The following ABHD17B variants were observed in gnomAD, a reference collection of about 807,000 sequenced individuals.
ABHD17B encodes the protein alpha/beta hydrolase domain-containing protein 17B.
In ABHD17B, 9 loss-of-function variants were observed where a neutral mutation model predicts 26.2. The observed-to-expected ratio is 0.34, with a 90% confidence interval of 0.21 to 0.60. ABHD17B has a LOEUF of 0.60. Ranked by LOEUF, ABHD17B falls within the 20% of genes least tolerant of loss-of-function variation. The pLI, the probability that ABHD17B is intolerant of heterozygous loss-of-function variation, is 0.80. For synonymous variants in ABHD17B, 127 were observed against 122.3 expected (o/e 1.04, Z -0.25); for missense variants, 224 against 352.1 (o/e 0.64, Z 2.91).
chr9:71,867,078 C>G, intron 3 of ABHD17B, 72 bp from the exon 4 acceptor site: 1 of 1,492,754 alleles, frequency 6.7e-7, no homozygotes. Flanking sequence ...TGTGCTATAT[C>G]AGACAGATAA....
At position 71,909,052 on chromosome 9, in the gene ABHD17B, G is replaced by C. The variant is rs1049997352; in HGVS notation, c.-4+1582C>G. Among the ~76,000 whole-genome samples the C allele has an allele frequency of 5.3e-5, 8 of 152,072 alleles. 1 individual carries two copies. Among genetic ancestry groups the C allele is most frequent in the African/African-American group, 1.9e-4 (8 of 41,380 alleles). On this transcript the variant is annotated intron_variant, in intron 1 of 3. Transcript: ENST00000333421. ...TTTTTTGGTGATTTTGTTTGTCCCA[G>C]GAAACAGAAAATTCTTTGTCAGCAG...
rs1825927002 is a variant in ABHD17B, at chr9:71,865,350, A to C, written c.*1437T>G. 1 of 983,010 alleles carries C rather than the reference A, an allele frequency of 1.0e-6. No individual in the cohort carries two copies. The highest frequency in any genetic ancestry group is 1.7e-5 in the African/African-American group (1 of 57,186). 60.9% of individuals were successfully genotyped at this position (983,010 alleles called of 1,614,324 possible). The stretch of plus-strand genomic sequence containing the variant: ...TTCCATATTCATTCATTTACAAATT[A>C]GACTACATACCATTAATTTTATTTT... On this transcript the variant is annotated 3_prime_UTR_variant, in exon 4 of 4. Coordinates refer to ENST00000333421, the MANE Select transcript of ABHD17B (RefSeq NM_001025780.3).
Position 71,865,568 on chromosome 9 carries a change from A to T in ABHD17B, c.*1219T>A. 3 of 985,298 alleles carry T rather than the reference A, an allele frequency of 3.0e-6. No individual in the cohort carries two copies. Among genetic ancestry groups the T allele is most frequent in the Non-Finnish European group, 3.6e-6 (3 of 829,864 alleles). 61.0% of individuals were successfully genotyped at this position (985,298 alleles called of 1,614,324 possible). ...ATCCAAAACAATAGGTCCTATTTTT[A>T]AAAATAGCTAAAGTGGGCCAGGCGC... On this transcript the variant is annotated 3_prime_UTR_variant, in exon 4 of 4. Transcript: ENST00000333421.
chr9:71,866,394 A>C lies in ABHD17B; in HGVS notation c.*393T>G, dbSNP rs1371760047. On this transcript the variant is annotated 3_prime_UTR_variant, in exon 4 of 4. Transcript: ENST00000333421. Reference sequence around the variant, plus strand: ...TTGCTTTAGATACATAGCTTTTTTCAAAATATTACAGTTGTATTCCAGGAT... The same window carrying C: ...TTGCTTTAGATACATAGCTTTTTTCCAAATATTACAGTTGTATTCCAGGAT... 6.1e-6 allele frequency: 6 copies of C among 983,466 alleles called. No individual in the cohort carries two copies. The highest frequency in any genetic ancestry group is 5.2e-4 in the Middle Eastern group (1 of 1,932). The allele number at this position is 983,466 out of a possible 1,614,324, so 60.9% of individuals were successfully genotyped here.
intron 1 of ABHD17B, among the ~76,000 whole-genome samples, chr9:71,882,570 A>C (rs1247689021): frequency 6.6e-6 from 1 of 151,780 alleles, no homozygotes; most frequent in Non-Finnish European, 1.5e-5. Context: ...AGGCAGGAGA[A>C]TTGCTTGAAC....
chr9:71,909,955 A>T (rs1367028224), intron 1 of ABHD17B, among the ~76,000 whole-genome samples: 1 of 152,126 alleles, frequency 6.6e-6, no homozygotes, highest in Non-Finnish European at 1.5e-5. Flanking sequence ...CTAATTTGAC[A>T]TAACTTTGTT....
At chr9:71,894,301 T>C (rs1205543426) in intron 1 of ABHD17B, among the ~76,000 whole-genome samples, 18 of 152,120 alleles carry the variant, frequency 1.2e-4, no homozygotes, top group Non-Finnish European at 5.9e-5. Flanking sequence ...CCAATTTGTG[T>C]ATACATATAA....
In ABHD17B at chr9:71,866,655, A is replaced by G. The variant is rs1173876545; in HGVS notation, c.*132T>C. On this transcript the variant is annotated 3_prime_UTR_variant, in exon 4 of 4. Coordinates refer to ENST00000333421, the MANE Select transcript of ABHD17B (RefSeq NM_001025780.3). ...ATTAAAACCTTCATTAAGTCTGTTAACAAATCATTACCTGTACATTTATGA... is the reference window on the plus strand; with the variant it reads ...ATTAAAACCTTCATTAAGTCTGTTAGCAAATCATTACCTGTACATTTATGA... 1 of 1,457,824 alleles carries G rather than the reference A, an allele frequency of 6.9e-7. No homozygotes were observed. The highest frequency in any genetic ancestry group is 1.4e-5 in the African/African-American group (1 of 70,142). 90.3% of individuals were successfully genotyped at this position (1,457,824 alleles called of 1,614,324 possible). A position where few individuals can be genotyped will look rare whatever the true frequency, so the allele number is the denominator to read the frequency against.
chr9:71,871,001 G>C (rs184558414), intron 2 of ABHD17B, among the ~76,000 whole-genome samples: 8 of 152,278 alleles, frequency 5.3e-5, no homozygotes, highest in Admixed American at 2.0e-4. Context: ...TGGGTACCTA[G>C]TATGTTCAAG....
At chr9:71,893,458 C>T (rs1826853177) in intron 1 of ABHD17B, among the ~76,000 whole-genome samples, 1 of 152,162 alleles carries the variant, frequency 6.6e-6, no homozygotes, top group African/African-American at 2.4e-5. Flanking sequence ...ACAGATTTAC[C>T]AGTTTATTAT....
Position 71,875,026 on chromosome 9 carries a change from G to C in ABHD17B, c.55C>G (p.Pro19Ala). The change falls in exon 2 of 4, where the codon CCA becomes GCA. Residue 19 changes from proline to alanine, a missense_variant. By Grantham distance (27) the Pro-to-Ala change is conservative. Transcript: ENST00000333421. ...GCTAATTTTGAAGCAATCTTCCCTGGACAAGGTGGACAGCAGAAGAGGCAA... is the reference window on the plus strand; with the variant it reads ...GCTAATTTTGAAGCAATCTTCCCTGCACAAGGTGGACAGCAGAAGAGGCAA... ...LCCLFCCPPCPGKIASKLAFL... is the reference protein window; with the variant it reads ...LCCLFCCPPCAGKIASKLAFL... 6.2e-7 allele frequency: 1 copy of C among 1,613,798 alleles called. No individual in the cohort carries two copies.
intron 3 of ABHD17B, among the ~76,000 whole-genome samples, chr9:71,869,769 C>A (rs1826057736): frequency 6.6e-6 from 1 of 152,102 alleles, no homozygotes; most frequent in Non-Finnish European, 1.5e-5. Flanking sequence ...TCTTTAGCAT[C>A]CTACACCCAG....
intron 1 of ABHD17B, among the ~76,000 whole-genome samples, chr9:71,895,597 TTG>T (rs1826930174): frequency 6.6e-6 from 1 of 152,236 alleles, no homozygotes; most frequent in African/African-American, 2.4e-5. Flanking sequence ...AGTCTGCAAT[TTG>T]AAGAATGCAT....
chr9:71,862,643 C>A (rs1171952048), downstream of ABHD17B: 5 of 920,688 alleles, frequency 5.4e-6, no homozygotes, highest in African/African-American at 1.7e-5. Flanking sequence ...ATCATCTCTG[C>A]AGTTTTCATA....
chr9:71,893,201 C>T (rs1337922314), intron 1 of ABHD17B, among the ~76,000 whole-genome samples: 1 of 152,176 alleles, frequency 6.6e-6, no homozygotes, highest in East Asian at 1.9e-4. Context: ...GAGATTTCCC[C>T]CAATGCAAGC....
chr9:71,873,225 CTAA>C (rs1348982038), intron 2 of ABHD17B, among the ~76,000 whole-genome samples: 1 of 151,522 alleles, frequency 6.6e-6, no homozygotes, highest in Non-Finnish European at 1.5e-5. Context: ...ACTAACCTGA[CTAA>C]TAATACACTG....
Position 71,866,377 on chromosome 9 carries a change from G to A in ABHD17B, c.*410C>T. Reference sequence around the variant, plus strand: ...CATTATGAGTACTTAAATTGCTTTAGATACATAGCTTTTTTCAAAATATTA... The same window carrying A: ...CATTATGAGTACTTAAATTGCTTTAAATACATAGCTTTTTTCAAAATATTA... On this transcript the variant is annotated 3_prime_UTR_variant, in exon 4 of 4. Transcript: ENST00000333421. The A allele has an allele frequency of 1.0e-6, 1 of 986,178 alleles. No individual in the cohort carries two copies. The highest frequency in any genetic ancestry group is 5.2e-4 in the Middle Eastern group (1 of 1,920). The allele number at this position is 986,178 out of a possible 1,614,324, so 61.1% of individuals were successfully genotyped here.
chr9:71,878,715 G>A (rs1459070778), intron 1 of ABHD17B, among the ~76,000 whole-genome samples: 2 of 151,950 alleles, frequency 1.3e-5, no homozygotes, highest in African/African-American at 4.8e-5. Context: ...AGGCCAAGAT[G>A]GGAGGACCAC....
intron 1 of ABHD17B, among the ~76,000 whole-genome samples, chr9:71,906,102 C>A (rs1251596032): frequency 6.6e-6 from 1 of 151,916 alleles, no homozygotes; most frequent in South Asian, 2.1e-4. Flanking sequence ...CTGCTCCATG[C>A]CTCATGACTT....
Sources: allele counts gnomAD v4.1 joint callset (sites outside exome capture counted in the v4.1 genomes callset), GRCh38; gene constraint gnomAD v4.1.1; transcripts MANE v1.5; gene names NCBI Gene and HGNC (gene_info 2026-07-23, HGNC 2026-07-21).